The following DPM1 variants were observed in gnomAD, a reference collection of about 807,000 sequenced individuals.
DPM1 encodes the protein dolichol-phosphate mannosyltransferase subunit 1.
Under a neutral mutation model 39.0 loss-of-function variants are expected in DPM1, and 27 were observed. That is an observed-to-expected ratio of 0.69 (90% confidence interval 0.51 to 0.95). DPM1 has a LOEUF of 0.95. Ranked by LOEUF, DPM1 falls within the 40% of genes least tolerant of loss-of-function variation. The probability of loss-of-function intolerance (pLI) is 0.00; values close to 1 mark genes in which losing one functional copy is unlikely to be tolerated. For missense variants in DPM1, 307 were observed against 315.6 expected (o/e 0.97, Z 0.21); for synonymous variants, 124 against 109.0 (o/e 1.14, Z -0.86).
In DPM1 at chr20:50,958,511, C is replaced by G; in HGVS notation, c.13G>C (p.Glu5Gln). 1.9e-6 allele frequency: 3 copies of G among 1,613,622 alleles called. No homozygotes were observed. The highest frequency in any genetic ancestry group is 1.1e-5 in the South Asian group (1 of 91,070). ...GACCTGCGAGGACTACGACTGACTT[C>G]CAAGGAGGCCATGGCGGAACTGAGC... Reference protein sequence around the residue: MASLEVSRSPRRSRR... With the variant: MASLQVSRSPRRSRR... Residue 5 changes from glutamate (E) to glutamine (Q), a missense_variant, in exon 1 of 9, where the codon GAA becomes CAA. Glu to Gln is a conservative substitution (Grantham distance 29, BLOSUM62 2). Coordinates refer to ENST00000371588, the MANE Select transcript of DPM1 (RefSeq NM_003859.3).
chr20:50,954,002 G>C (rs1352522519), intron 2 of DPM1, among the ~76,000 whole-genome samples: 1 of 152,134 alleles, frequency 6.6e-6, no homozygotes, highest in Non-Finnish European at 1.5e-5. Context: ...TGACAGACCT[G>C]AGTTACTCAT....
intron 1 of DPM1, among the ~76,000 whole-genome samples, chr20:50,957,431 C>T (rs1176959244): frequency 6.6e-6 from 1 of 152,178 alleles, no homozygotes; most frequent in Admixed American, 6.5e-5. Context: ...AGTATGAACG[C>T]GTCTGCTGCC....
At position 50,958,413 on chromosome 20, in the gene DPM1, G is replaced by T. The variant is rs377626175; in HGVS notation, c.111C>A (p.Arg37=). 8 of 1,614,062 alleles carry T rather than the reference G, an allele frequency of 5.0e-6. No homozygotes were observed. Among genetic ancestry groups the T allele is most frequent in the Non-Finnish European group, 6.8e-6 (8 of 1,180,030 alleles). Residue 37 remains arginine, a synonymous_variant, in exon 1 of 9, where the codon CGC becomes CGA. Coordinates refer to ENST00000371588, the MANE Select transcript of DPM1 (RefSeq NM_003859.3). Reference sequence around the variant, plus strand: ...GCCACACGATGAGCGGCAGGTTCTCGCGCTCGTTGTAGGTAGGTAAAAGCA... The same window carrying T: ...GCCACACGATGAGCGGCAGGTTCTCTCGCTCGTTGTAGGTAGGTAAAAGCA... ...YSVLLPTYNE[R]ENLPLIVWLL... is the part of the protein sequence containing the mutation.
chr20:50,951,996 G>C (rs1986607451), intron 2 of DPM1, among the ~76,000 whole-genome samples: 1 of 151,994 alleles, frequency 6.6e-6, no homozygotes, highest in Non-Finnish European at 1.5e-5. Flanking sequence ...ATATCAATCT[G>C]ATGGCCCCTT....
At chr20:50,946,519 T>G (rs1361342856) in intron 3 of DPM1, among the ~76,000 whole-genome samples, 1 of 152,248 alleles carries the variant, frequency 6.6e-6, no homozygotes, top group East Asian at 1.9e-4. Flanking sequence ...CTATTGATTC[T>G]CCATCCAAAA....
intron 1 of DPM1, among the ~76,000 whole-genome samples, 190 bp downstream of exon 1, chr20:50,958,173 G>A (rs545086515): frequency 1.3e-5 from 2 of 152,240 alleles, no homozygotes; most frequent in African/African-American, 4.8e-5. Flanking sequence ...GCAGGAATGA[G>A]AACCCAGGAC....
intron 3 of DPM1, among the ~76,000 whole-genome samples, chr20:50,946,640 G>A (rs1464163077): frequency 7.2e-5 from 11 of 152,224 alleles, no homozygotes; most frequent in Non-Finnish European, 2.9e-5. Context: ...CCAGCTCCAT[G>A]CCTCAAAGTC....
rs2123155781 is a variant in DPM1, at chr20:50,958,482, C to A, written c.42G>T (p.Arg14=). ...GTGGACTGCGCACTTCCAGCTCCCGCCGAGACCTGCGAGGACTACGACTGA... is the reference window on the plus strand; with the variant it reads ...GTGGACTGCGCACTTCCAGCTCCCGACGAGACCTGCGAGGACTACGACTGA... ...LEVSRSPRRS[R]RELEVRSPRQ... The change falls in exon 1 of 9, where the codon CGG becomes CGT. Residue 14 remains arginine (R), a synonymous_variant. Coordinates refer to ENST00000371588, the MANE Select transcript of DPM1 (RefSeq NM_003859.3). The A allele has an allele frequency of 6.2e-7, 1 of 1,614,006 alleles. No homozygotes were observed. Among genetic ancestry groups the A allele is most frequent in the Admixed American group, 1.7e-5 (1 of 60,022 alleles).
At chr20:50,956,517 C>T (rs146793938) in intron 1 of DPM1, among the ~76,000 whole-genome samples, 3 of 147,774 alleles carry the variant, frequency 2.0e-5, no homozygotes, top group East Asian at 4.0e-4. Context: ...CAGAGCAAGA[C>T]TCCGTCTCCA....
At position 50,945,447 on chromosome 20, in the gene DPM1, C is replaced by A. The variant is rs527274317; in HGVS notation, c.398+290G>T. ...CCTTGAAGTCCTGGGCTCATGTCAT[C>A]CTCCCACCTGAGCCGCCTGAGTAGC... is the stretch of plus-strand genomic sequence containing the variant. On this transcript the variant is annotated intron_variant, in intron 5 of 8. Coordinates refer to ENST00000371588, the MANE Select transcript of DPM1 (RefSeq NM_003859.3). 8.8e-4 allele frequency among the ~76,000 whole-genome samples: 134 copies of A among 152,112 alleles called. 1 individual carries two copies. Among genetic ancestry groups the A allele is most frequent in the African/African-American group, 3.1e-3 (130 of 41,492 alleles).
chr20:50,957,615 A>T (rs142758987), intron 1 of DPM1, among the ~76,000 whole-genome samples: 221 of 152,362 alleles, frequency 1.5e-3, no homozygotes, highest in African/African-American at 4.9e-3. Context: ...TGATTAAATA[A>T]ATAACACAGC....
chr20:50,936,156 T>G lies in DPM1; in HGVS notation c.670A>C (p.Ile224Leu). 1 of 1,610,534 alleles carries G rather than the reference T, an allele frequency of 6.2e-7. No individual in the cohort carries two copies. The highest frequency in any genetic ancestry group is 8.5e-7 in the Non-Finnish European group (1 of 1,176,892). Reference protein sequence around the residue: ...IVRARQLNYTIGEVPISFVDR... With the variant: ...IVRARQLNYTLGEVPISFVDR... ...TAGCATCAGTTGCATACCTCGCCAA[T>G]AGTATAATTCAACTGTCTTGCCCGA... The change falls in exon 8 of 9, where the codon ATT becomes CTT. Residue 224 changes from isoleucine to leucine, a missense_variant. Physicochemically the swap from Ile to Leu is conservative, Grantham distance 5 (BLOSUM62 2). Coordinates refer to ENST00000371588, the MANE Select transcript of DPM1 (RefSeq NM_003859.3).
chr20:50,946,015 C>T, intron 3 of DPM1, 92 bp from the exon 4 acceptor site: 1 of 1,059,766 alleles, frequency 9.4e-7, no homozygotes, highest in East Asian at 2.4e-5. Context: ...ACCTGAAGAG[C>T]ACACATTAGT....
In DPM1 at chr20:50,935,248, A is replaced by T. The variant is rs1985048219; in HGVS notation, c.679-12T>A. 6.4e-7 allele frequency: 1 copy of T among 1,552,760 alleles called. No individual in the cohort carries two copies. The highest frequency in any genetic ancestry group is 8.9e-7 in the Non-Finnish European group (1 of 1,125,690). ...AATGATATTGGAACCTAGTTTAAAA[A>T]AAAAAAAGTAACGTTAGTCTTTAAA... On this transcript the variant is annotated splice_polypyrimidine_tract_variant and intron_variant, in intron 8 of 8. Transcript: ENST00000371588.
chr20:50,938,339 GA>G (rs1476147594), intron 7 of DPM1, among the ~76,000 whole-genome samples: 1 of 151,558 alleles, frequency 6.6e-6, no homozygotes, highest in Non-Finnish European at 1.5e-5. Context: ...ATGTATTTAA[GA>G]AACCACCACT....
chr20:50,940,829 G>A (rs768019314), intron 7 of DPM1, 36 bp downstream of exon 7: 5 of 1,477,430 alleles, frequency 3.4e-6, no homozygotes, highest in Admixed American at 1.7e-5. Flanking sequence ...AGTTAGCCAA[G>A]AAGTTATATA....
At position 50,955,299 on chromosome 20, in the gene DPM1, A is replaced by G; in HGVS notation, c.162-14T>C. ...TAGTTGATTCCACTAAAAAAATTAA[A>G]TTTGTATTAATGACTGATGACAGTG... On this transcript the variant is annotated splice_polypyrimidine_tract_variant and intron_variant, in intron 1 of 8. Transcript: ENST00000371588. The G allele has an allele frequency of 6.5e-7, 1 of 1,547,054 alleles. No individual in the cohort carries two copies. Among genetic ancestry groups the G allele is most frequent in the Non-Finnish European group, 8.9e-7 (1 of 1,120,564 alleles).
chr20:50,958,457 G>T lies in DPM1; in HGVS notation c.67C>A (p.Arg23=), dbSNP rs768184749. The part of the protein sequence containing the change: ...SRRELEVRSP[R]QNKYSVLLPT... Reference sequence around the variant, plus strand: ...AAAAGCACCGAATATTTGTTCTGTCGTGGACTGCGCACTTCCAGCTCCCGC... The same window carrying T: ...AAAAGCACCGAATATTTGTTCTGTCTTGGACTGCGCACTTCCAGCTCCCGC... Residue 23 remains arginine, a synonymous_variant, in exon 1 of 9, where the codon CGA becomes AGA. Transcript: ENST00000371588. 18 of 1,613,940 alleles carry T rather than the reference G, an allele frequency of 1.1e-5. No individual in the cohort carries two copies. The highest frequency in any genetic ancestry group is 1.6e-4 in the Middle Eastern group (1 of 6,084).
chr20:50,941,261 T>TATGTATATATATATATATATAA (rs1985742554), intron 6 of DPM1: 1 of 159,304 alleles, frequency 6.3e-6, no homozygotes, highest in African/African-American at 3.5e-5. Context: ...TATATATATA[T>TATGTATATATATATATATATAA]ATAAATAAAA....
Sources: allele counts gnomAD v4.1 joint callset (sites outside exome capture counted in the v4.1 genomes callset), GRCh38; gene constraint gnomAD v4.1.1; transcripts MANE v1.5; gene names NCBI Gene and HGNC (gene_info 2026-07-23, HGNC 2026-07-21).